Variants in ATP8A1 observed in about 807,000 individuals in gnomAD.
ATP8A1 encodes ATPase phospholipid transporting 8A1.
Under a neutral mutation model 177.7 loss-of-function variants are expected in ATP8A1, and 90 were observed. That is an observed-to-expected ratio of 0.51 (90% confidence interval 0.43 to 0.60). The LOEUF (loss-of-function observed/expected upper bound fraction) is 0.60. ATP8A1 is among the 20% of genes least tolerant of loss of function. ATP8A1 has a pLI of 0.00. For synonymous variants in ATP8A1, 493 were observed against 485.9 expected (o/e 1.01, Z -0.19); for missense variants, 1,072 against 1,392.8 (o/e 0.77, Z 3.67).
intron 33 of ATP8A1, among the ~76,000 whole-genome samples, chr4:42,441,658 C>T (rs1228857942): frequency 6.6e-6 from 1 of 152,146 alleles, no homozygotes; most frequent in Non-Finnish European, 1.5e-5. Flanking sequence ...CACACACACC[C>T]ACATCCCACC....
intron 25 of ATP8A1, among the ~76,000 whole-genome samples, chr4:42,473,455 G>A (rs1578005041): frequency 6.6e-6 from 1 of 152,082 alleles, no homozygotes; most frequent in African/African-American, 2.4e-5. Flanking sequence ...CAACTGGGAA[G>A]CACTTCTATT....
intron 20 of ATP8A1, among the ~76,000 whole-genome samples, chr4:42,534,090 T>G (rs1330972145): frequency 6.6e-6 from 1 of 152,128 alleles, no homozygotes; most frequent in African/African-American, 2.4e-5. Flanking sequence ...AGAAAAACAA[T>G]TCTGGTAATA....
At chr4:42,448,244 C>A (rs369301045) in intron 30 of ATP8A1, among the ~76,000 whole-genome samples, 1 of 151,970 alleles carries the variant, frequency 6.6e-6, no homozygotes, top group Non-Finnish European at 1.5e-5. Context: ...TGGATTCTCA[C>A]GTTTTGGTTG....
At chr4:42,552,041 T>C (rs1197471813) in intron 17 of ATP8A1, among the ~76,000 whole-genome samples, 1 of 152,174 alleles carries the variant, frequency 6.6e-6, no homozygotes, top group Non-Finnish European at 1.5e-5. Flanking sequence ...GCGTAAAACT[T>C]TCCTCACCCA....
chr4:42,524,903 G>A (rs1726527158), intron 20 of ATP8A1, 56 bp from the exon 21 acceptor site: 5 of 1,157,362 alleles, frequency 4.3e-6, no homozygotes, highest in Non-Finnish European at 6.3e-6. Context: ...GTTTAATAAA[G>A]TTGATGTTGG....
chr4:42,507,759 AGTTAAAAAGGACAGGCATTCT>A (rs1724545743), intron 22 of ATP8A1, among the ~76,000 whole-genome samples: 5 of 89,576 alleles, frequency 5.6e-5, no homozygotes, highest in East Asian at 3.9e-4. Flanking sequence ...AAAAAAAGTC[AGTTAAAAAGGACAGGCATTCT>A]AAAAAAAAAA....
At position 42,412,933 on chromosome 4, in the gene ATP8A1, T is replaced by G. The variant is rs1290621160; in HGVS notation, c.3478A>C (p.Arg1160=). The G allele has an allele frequency of 1.2e-6, 2 of 1,613,450 alleles. No homozygotes were observed. Among genetic ancestry groups the G allele is most frequent in the Non-Finnish European group, 1.7e-6 (2 of 1,179,554 alleles). The change falls in exon 37 of 37, where the codon AGG becomes CGG. Residue 1160 remains arginine, a synonymous_variant. Coordinates refer to ENST00000381668, the MANE Select transcript of ATP8A1 (RefSeq NM_006095.2). ...VIRAYDTTKQ[R]PDEW ...TCTCCCCATCACCATTCGTCGGGCC[T>G]CTGTTTCGTGGTATCATATGCTCTT...
intron 1 of ATP8A1, among the ~76,000 whole-genome samples, chr4:42,639,262 T>C (rs759271554): frequency 2.6e-5 from 4 of 152,174 alleles, no homozygotes; most frequent in Non-Finnish European, 5.9e-5. Context: ...TAGGTTCACA[T>C]GTTCAACAGT....
intron 16 of ATP8A1, among the ~76,000 whole-genome samples, chr4:42,555,139 A>ATCTATCTATCTTATCTATCT (rs1553903246): frequency 8.4e-5 from 5 of 59,558 alleles, no homozygotes; most frequent in South Asian, 5.3e-4. Context: ...CTATCTATCT[A>ATCTATCTATCTTATCTATCT]ATCTATCTAT....
At chr4:42,566,281 G>A (rs1274955100) in intron 15 of ATP8A1, among the ~76,000 whole-genome samples, 1 of 152,066 alleles carries the variant, frequency 6.6e-6, no homozygotes, top group Non-Finnish European at 1.5e-5. Flanking sequence ...ATAAGCTCAT[G>A]GGTTTTATAC....
chr4:42,516,668 G>A (rs1464838887), intron 22 of ATP8A1, among the ~76,000 whole-genome samples: 2 of 152,066 alleles, frequency 1.3e-5, no homozygotes, highest in African/African-American at 2.4e-5. Context: ...ACGAAGGCAC[G>A]CCTTCATATT....
chr4:42,553,590 T>C (rs974391194), intron 16 of ATP8A1, among the ~76,000 whole-genome samples: 2 of 151,624 alleles, frequency 1.3e-5, no homozygotes, highest in African/African-American at 2.4e-5. Context: ...TTCAATTTAA[T>C]AAAGGAAAAA....
intron 5 of ATP8A1, among the ~76,000 whole-genome samples, chr4:42,602,747 T>C (rs908669040): frequency 7.2e-5 from 11 of 151,992 alleles, no homozygotes; most frequent in Admixed American, 7.2e-4. Context: ...CTAGCCTGGG[T>C]GACAGAGCAA....
At chr4:42,507,463 C>G (rs1724489552) in intron 22 of ATP8A1, among the ~76,000 whole-genome samples, 1 of 151,900 alleles carries the variant, frequency 6.6e-6, no homozygotes, top group Non-Finnish European at 1.5e-5. Context: ...CACGGTGGCT[C>G]ACGCCTGTAA....
At position 42,644,865 on chromosome 4, in the gene ATP8A1, T is replaced by C. The variant is rs560635826; in HGVS notation, c.49+11960A>G. Among the ~76,000 whole-genome samples the C allele has an allele frequency of 5.9e-5, 9 of 152,100 alleles. No individual in the cohort carries two copies. In the East Asian group the frequency reaches 1.4e-3, roughly 23 times the overall value. Reference sequence around the variant, plus strand: ...TCATAATGGGATAAATCAATAAATCTAGACTGACGAAAATATACTCCTTGA... The same window carrying C: ...TCATAATGGGATAAATCAATAAATCCAGACTGACGAAAATATACTCCTTGA... On this transcript the variant is annotated intron_variant, in intron 1 of 36. Coordinates refer to ENST00000381668, the MANE Select transcript of ATP8A1 (RefSeq NM_006095.2).
intron 5 of ATP8A1, among the ~76,000 whole-genome samples, chr4:42,608,689 G>A (rs1284863541): frequency 2.6e-5 from 4 of 152,112 alleles, no homozygotes; most frequent in African/African-American, 9.7e-5. Flanking sequence ...CAAGAGGCAA[G>A]TCATCCAAAA....
At chr4:42,650,801 T>G (rs1029196391) in intron 1 of ATP8A1, among the ~76,000 whole-genome samples, 6 of 152,168 alleles carry the variant, frequency 3.9e-5, no homozygotes, top group African/African-American at 1.4e-4. Flanking sequence ...TCTGAACAAT[T>G]TAATCCTTAT....
chr4:42,553,784 T>G (rs1313366137), intron 16 of ATP8A1, among the ~76,000 whole-genome samples: 3 of 152,168 alleles, frequency 2.0e-5, no homozygotes, highest in Non-Finnish European at 4.4e-5. Context: ...CACGTATTGT[T>G]TACTTATAGC....
At chr4:42,470,662 G>GAAAA (rs1366213381) in intron 25 of ATP8A1, among the ~76,000 whole-genome samples, 4 of 152,106 alleles carry the variant, frequency 2.6e-5, no homozygotes, top group Non-Finnish European at 4.4e-5. Context: ...AAATTACTAT[G>GAAAA]AAGTTGCCTT....
Sources: allele counts gnomAD v4.1 joint callset (sites outside exome capture counted in the v4.1 genomes callset), GRCh38; gene constraint gnomAD v4.1.1; transcripts MANE v1.5; gene names NCBI Gene and HGNC (gene_info 2026-07-23, HGNC 2026-07-21).